GRIP2: variants seen among roughly 807,000 people sequenced by gnomAD.
The protein encoded by GRIP2 is glutamate receptor interacting protein 2.
Under a neutral mutation model 108.3 loss-of-function variants are expected in GRIP2, and 58 were observed. The ratio of observed to expected loss-of-function variants is 0.54; its 90% confidence interval spans 0.43 to 0.67. GRIP2 has a LOEUF of 0.67. Among genes scored for constraint, GRIP2 ranks in the 30% least tolerant of loss-of-function variants. The probability of loss-of-function intolerance (pLI) is 0.00; values close to 1 mark genes in which losing one functional copy is unlikely to be tolerated. For missense variants in GRIP2, 1,278 were observed against 1,430.6 expected (o/e 0.89, Z 1.72); for synonymous variants, 586 against 598.2 (o/e 0.98, Z 0.30).
At chr3:14,542,149 T>A, upstream of GRIP2, 1 of 988,862 alleles carries the variant, frequency 1.0e-6, no homozygotes, top group Non-Finnish European at 1.3e-6. Context: ...TCTTTTTATT[T>A]TTTATTTTTT....
chr3:14,499,164 A>T (rs370016476), intron 21 of GRIP2, among the ~76,000 whole-genome samples: 4 of 152,286 alleles, frequency 2.6e-5, no homozygotes, highest in African/African-American at 9.6e-5. Context: ...TCTGCCTTCC[A>T]CAATAGTGCA....
upstream of GRIP2, chr3:14,556,094 A>G (rs1397573141): frequency 7.5e-6 from 3 of 397,642 alleles, no homozygotes; most frequent in Non-Finnish European, 1.3e-5. Flanking sequence ...GCCCTCCCGG[A>G]GTTGCTAAAA....
chr3:14,529,018 C>A (rs978711477), intron 1 of GRIP2, among the ~76,000 whole-genome samples: 1 of 152,152 alleles, frequency 6.6e-6, no homozygotes, highest in African/African-American at 2.4e-5. Context: ...CGCCTGTAAT[C>A]CCAGCACTTT....
At chr3:14,499,621 G>A (rs762747950) in intron 21 of GRIP2, among the ~76,000 whole-genome samples, 1 of 152,256 alleles carries the variant, frequency 6.6e-6, no homozygotes, top group East Asian at 1.9e-4. Flanking sequence ...CTACTCGGGT[G>A]GCAGAGGCAG....
At chr3:14,500,131 A>C (rs914770403) in intron 21 of GRIP2, among the ~76,000 whole-genome samples, 1 of 152,254 alleles carries the variant, frequency 6.6e-6, no homozygotes, top group African/African-American at 2.4e-5. Context: ...CACAGTATCT[A>C]AGAAATGGGT....
At chr3:14,597,731 T>C in the GRIP2 span, among the ~76,000 whole-genome samples, 3 of 151,988 alleles carry the variant, frequency 2.0e-5, no homozygotes, top group African/African-American at 7.3e-5. Context: ...GAGATGATTT[T>C]AAAGGAGAGG....
In GRIP2 at chr3:14,525,514, G is replaced by A. The variant is rs1694530210; in HGVS notation, c.180C>T (p.Gly60=). ...TGTCGGTGCCACCTGAGATAGTCAG[G>A]CCCAGCGTGCTGCCTTCTTTCTTGA... is the stretch of plus-strand genomic sequence containing the variant. The part of the protein sequence containing the change: ...ELIKKEGSTL[G]LTISGGTDKD... Residue 60 remains glycine, a synonymous_variant, in exon 3 of 24, where the codon GGC becomes GGT. Transcript: ENST00000621039. 1 of 1,613,658 alleles carries A rather than the reference G, an allele frequency of 6.2e-7. No homozygotes were observed. Among genetic ancestry groups the A allele is most frequent in the African/African-American group, 1.3e-5 (1 of 74,890 alleles).
Position 14,511,589 on chromosome 3 carries a change from C to G in GRIP2, c.1721-110G>C, listed in dbSNP as rs1447297182. ...CGGAGCCACTGGTCCTACTCACATC[C>G]TGGTCCCACTGCTTCCTGGCTGGGT... On this transcript the variant is annotated intron_variant, in intron 14 of 23. Coordinates refer to ENST00000621039, the MANE Select transcript of GRIP2 (RefSeq NM_001080423.4). The surrounding 1 kb of genome is among the most constrained non-coding windows in gnomAD (Gnocchi z 4.1). 1 of 970,390 alleles carries G rather than the reference C, an allele frequency of 1.0e-6. No homozygotes were observed. Among genetic ancestry groups the G allele is most frequent in the Non-Finnish European group, 1.6e-6 (1 of 631,242 alleles). 60.1% of individuals were successfully genotyped at this position (970,390 alleles called of 1,614,324 possible).
chr3:14,506,688 C>A, intron 19 of GRIP2, 113 bp downstream of exon 19: 1 of 1,044,582 alleles, frequency 9.6e-7, no homozygotes. Flanking sequence ...TAAAGGATGC[C>A]AGGAGAGGAG....
intron 1 of GRIP2, among the ~76,000 whole-genome samples, chr3:14,555,047 C>T (rs1321313406): frequency 2.6e-5 from 4 of 152,074 alleles, no homozygotes; most frequent in Non-Finnish European, 5.9e-5. Flanking sequence ...AGCCTGGGGT[C>T]ACACAGCCTG....
chr3:14,516,891 C>T (rs912326280), intron 11 of GRIP2, among the ~76,000 whole-genome samples, 173 bp downstream of exon 11: 1 of 152,160 alleles, frequency 6.6e-6, no homozygotes, highest in African/African-American at 2.4e-5. Context: ...AGTGCACAAC[C>T]TGCCCAACCA....
chr3:14,550,510 C>T (rs1035000644), intron 1 of GRIP2, among the ~76,000 whole-genome samples: 3 of 152,238 alleles, frequency 2.0e-5, no homozygotes, highest in Non-Finnish European at 2.9e-5. Flanking sequence ...CCACCCTCCC[C>T]GCAGCGGCAC....
chr3:14,592,423 CG>C, the GRIP2 span, among the ~76,000 whole-genome samples: 1 of 152,098 alleles, frequency 6.6e-6, no homozygotes, highest in African/African-American at 2.4e-5. Context: ...GTAAAGGAGT[CG>C]GGGAAAGAAA....
chr3:14,530,073 A>G (rs1694669173), intron 1 of GRIP2, among the ~76,000 whole-genome samples: 1 of 152,242 alleles, frequency 6.6e-6, no homozygotes, highest in African/African-American at 2.4e-5. Context: ...ACCAGAAACA[A>G]GGGGCACACC....
At chr3:14,574,080 C>A in the GRIP2 span, 1 of 1,434,478 alleles carries the variant, frequency 7.0e-7, no homozygotes, top group Non-Finnish European at 9.8e-7. Flanking sequence ...CTCGTAGACC[C>A]AGTGGTTCCA....
intron 22 of GRIP2, among the ~76,000 whole-genome samples, chr3:14,495,701 A>G (rs898739392): frequency 5.3e-4 from 81 of 152,266 alleles, no homozygotes; most frequent in African/African-American, 1.9e-3. Context: ...CACCGCGACC[A>G]GCTCGTATCT....
chr3:14,505,747 T>TG lies in GRIP2; in HGVS notation c.2440dup (p.Gln814ProfsTer28). 6.3e-7 allele frequency: 1 copy of TG among 1,578,456 alleles called. No individual in the cohort carries two copies. The highest frequency in any genetic ancestry group is 8.6e-7 in the Non-Finnish European group (1 of 1,162,046). On this transcript the variant is annotated frameshift_variant, in exon 20 of 24. Coordinates refer to ENST00000621039, the MANE Select transcript of GRIP2 (RefSeq NM_001080423.4). LOFTEE classifies it high-confidence loss of function. The surrounding 1 kb of genome is among the most constrained non-coding windows in gnomAD (Gnocchi z 4.2). The stretch of plus-strand genomic sequence containing the variant: ...CCTCAGCCAGCCAGGCCTCCGCTCC[T>TG]GGGGGGTCGTGCCCCGGGCTGCTGC...
chr3:14,494,704 C>T, intron 23 of GRIP2, 139 bp downstream of exon 23: 1 of 1,018,114 alleles, frequency 9.8e-7, no homozygotes, highest in Non-Finnish European at 1.4e-6. Flanking sequence ...GTGCTGGGGC[C>T]CGCAATGCAA....
chr3:14,526,178 C>T (rs4685175), intron 1 of GRIP2, among the ~76,000 whole-genome samples: 59,690 of 152,068 alleles, frequency 0.39, 12,822 homozygotes, highest in South Asian at 0.58. Flanking sequence ...AGCTTCACAG[C>T]CATTCTGTGG....
Sources: allele counts gnomAD v4.1 joint callset (sites outside exome capture counted in the v4.1 genomes callset), GRCh38; gene constraint gnomAD v4.1.1; non-coding constraint Gnocchi (gnomAD v3.1); transcripts MANE v1.5; gene names NCBI Gene and HGNC (gene_info 2026-07-23, HGNC 2026-07-21).